MTDH: variants seen among roughly 807,000 people sequenced by gnomAD.
The protein encoded by MTDH is protein LYRIC.
Under a neutral mutation model 72.7 loss-of-function variants are expected in MTDH, and 34 were observed. That is an observed-to-expected ratio of 0.47 (90% CI 0.36 to 0.62). The LOEUF is 0.62. Ranked by LOEUF, MTDH falls within the 20% of genes least tolerant of loss-of-function variation. The pLI is 0.00. For missense variants in MTDH, 677 were observed against 699.4 expected (o/e 0.97, Z 0.36); for synonymous variants, 266 against 268.9 (o/e 0.99, Z 0.10).
At chr8:97,722,776 T>C in intron 10 of MTDH, 103 bp from the exon 11 acceptor site, 1 of 1,135,968 alleles carries the variant, frequency 8.8e-7, no homozygotes. Context: ...GAAACCATAT[T>C]AGTATTGAAT....
intron 2 of MTDH, among the ~76,000 whole-genome samples, chr8:97,685,459 G>A (rs1813322127): frequency 6.6e-6 from 1 of 152,250 alleles, no homozygotes; most frequent in South Asian, 2.1e-4. Context: ...GCAGTTTTCT[G>A]TCATTGCTTA....
chr8:97,662,418 A>T (rs1202495722), intron 2 of MTDH, among the ~76,000 whole-genome samples: 1 of 151,604 alleles, frequency 6.6e-6, no homozygotes, highest in Non-Finnish European at 1.5e-5. Flanking sequence ...ACAAAACAAG[A>T]CAGTCACTGA....
At chr8:97,695,273 C>T (rs995005513) in intron 6 of MTDH, among the ~76,000 whole-genome samples, 4 of 151,936 alleles carry the variant, frequency 2.6e-5, no homozygotes, top group Admixed American at 6.6e-5. Context: ...GTCACCATGC[C>T]CAGCTAATTT....
In MTDH at chr8:97,686,763, A is replaced by ACAG. The variant is rs2130999554; in HGVS notation, c.568+11_568+12insCAG. 1 of 1,582,794 alleles carries ACAG rather than the reference A, an allele frequency of 6.3e-7. No homozygotes were observed. Among genetic ancestry groups the ACAG allele is most frequent in the Non-Finnish European group, 8.6e-7 (1 of 1,163,642 alleles). ...AGGAAGTTGATGAAGGTACTTGAGC[A>ACAG]AGGGAAAGGACTGTAGAAAATTTTT... On this transcript the variant is annotated intron_variant, in intron 3 of 11. Transcript: ENST00000336273.
intron 2 of MTDH, among the ~76,000 whole-genome samples, chr8:97,663,703 C>T (rs910212280): frequency 2.1e-5 from 3 of 141,754 alleles, no homozygotes; most frequent in Admixed American, 7.5e-5. Context: ...AAGTGGAGAT[C>T]GCGCCACTGC....
In MTDH at chr8:97,644,277, C is replaced by T; in HGVS notation, c.-230C>T. ...CCGCCACTGGAGACACTCCCTCCCG[C>T]CTCCCGGGTCTCCTGGCGGCGGCGG... is the stretch of plus-strand genomic sequence containing the variant. On this transcript the variant is annotated 5_prime_UTR_variant, in exon 1 of 12. Transcript: ENST00000336273. 1 of 553,240 alleles carries T rather than the reference C, an allele frequency of 1.8e-6. No individual in the cohort carries two copies. Among genetic ancestry groups the T allele is most frequent in the African/African-American group, 2.0e-5 (1 of 49,620 alleles). 34.3% of individuals were successfully genotyped at this position (553,240 alleles called of 1,614,324 possible).
chr8:97,689,107 A>G lies in MTDH; in HGVS notation c.811+4A>G. 2 of 1,559,758 alleles carry G rather than the reference A, an allele frequency of 1.3e-6. No homozygotes were observed. The highest frequency in any genetic ancestry group is 1.8e-6 in the Non-Finnish European group (2 of 1,141,104). On this transcript the variant is annotated splice_donor_region_variant and intron_variant, in intron 5 of 11. Coordinates refer to ENST00000336273, the MANE Select transcript of MTDH (RefSeq NM_178812.4). ...AAAGGAGATTCTACACTTCAGGGTG[A>G]GAGAAATTACATGTAACTTAAATTG...
intron 2 of MTDH, among the ~76,000 whole-genome samples, chr8:97,677,249 G>A (rs554842151): frequency 7.2e-6 from 1 of 139,466 alleles, no homozygotes; most frequent in East Asian, 2.2e-4. Flanking sequence ...ATCCCAGCAC[G>A]TTGGGAGGCC....
intron 2 of MTDH, among the ~76,000 whole-genome samples, chr8:97,681,835 A>G (rs1813088573): frequency 6.6e-6 from 1 of 152,032 alleles, no homozygotes; most frequent in African/African-American, 2.4e-5. Flanking sequence ...TCATCCTCCT[A>G]TTAGATGATA....
At chr8:97,682,280 ATTTTTTTTTTTTTTTTTTTTTTT>A (rs1175139487) in intron 2 of MTDH, among the ~76,000 whole-genome samples, 1 of 3,630 alleles carries the variant, frequency 2.8e-4, no homozygotes, top group Non-Finnish European at 5.5e-4. Flanking sequence ...ATATATATAT[ATTTTTTTTTTTTTTTTTTTTTTT>A]TTTTTTTTTT....
intron 2 of MTDH, among the ~76,000 whole-genome samples, chr8:97,670,875 G>A (rs1812585005): frequency 6.6e-6 from 1 of 151,316 alleles, no homozygotes; most frequent in East Asian, 1.9e-4. Context: ...TCCTGCCTCA[G>A]CCCCCCGAGT....
At chr8:97,666,419 T>G (rs558037234) in intron 2 of MTDH, among the ~76,000 whole-genome samples, 12 of 152,204 alleles carry the variant, frequency 7.9e-5, no homozygotes, top group Non-Finnish European at 1.6e-4. Context: ...ATAAAGAGTT[T>G]TGTGAATTGT....
intron 2 of MTDH, among the ~76,000 whole-genome samples, chr8:97,670,578 C>T (rs554703472): frequency 6.6e-6 from 1 of 152,270 alleles, no homozygotes; most frequent in African/African-American, 2.4e-5. Context: ...GAGCTGAGAT[C>T]GTGCCACTGC....
At chr8:97,677,180 C>CAAAAAAAAAA (rs71271142) in intron 2 of MTDH, among the ~76,000 whole-genome samples, 1 of 44,104 alleles carries the variant, frequency 2.3e-5, no homozygotes, top group African/African-American at 1.1e-4. Flanking sequence ...AAGCCTGTCT[C>CAAAAAAAAAA]AAAAAAAAAA....
At chr8:97,696,986 C>T (rs1048320814) in intron 6 of MTDH, among the ~76,000 whole-genome samples, 5 of 150,588 alleles carry the variant, frequency 3.3e-5, no homozygotes, top group Admixed American at 6.6e-5. Flanking sequence ...TGGTATTTGC[C>T]TGTGGTCCCA....
At position 97,706,631 on chromosome 8, in the gene MTDH, C is replaced by T. The variant is rs140731404; in HGVS notation, c.1153C>T (p.Leu385=). The T allele has an allele frequency of 1.1e-4, 172 of 1,592,864 alleles. No homozygotes were observed. In the Middle Eastern group the frequency reaches 3.0e-3, roughly 28 times the overall value. ...IDDEWSGLNG[L]SSADPNSDWN... is the part of the protein sequence containing the mutation. ...TTCACACTGTTAAATTTTAGATGGT[C>T]TGTCTTCTGCTGATCCCAACTCTGA... Residue 385 remains leucine, a synonymous_variant, in exon 8 of 12, where the codon CTG becomes TTG. Transcript: ENST00000336273.
rs778090659 is a variant in MTDH, at chr8:97,691,156, G to A, written c.1016G>A (p.Ser339Asn). The stretch of plus-strand genomic sequence containing the variant: ...ACAAATGGAAAAGACTGGGGAAGGA[G>A]TTGGAGTGACCGTTCAATATTTTCT... ...ANTNGKDWGR[S>N]WSDRSIFSGI... is the part of the protein sequence containing the mutation. Residue 339 changes from serine (S) to asparagine (N), a missense_variant, in exon 6 of 12, where the codon AGT becomes AAT. This residue lies in a region of MTDH where 467 missense variants were observed against 469.1 expected (regional missense o/e 1.00). Coordinates refer to ENST00000336273, the MANE Select transcript of MTDH (RefSeq NM_178812.4). 4 of 1,612,200 alleles carry A rather than the reference G, an allele frequency of 2.5e-6. 1 individual carries two copies. In the South Asian group the frequency reaches 3.3e-5, roughly 13 times the overall value.
intron 11 of MTDH, among the ~76,000 whole-genome samples, chr8:97,723,584 A>T (rs1276070703): frequency 1.3e-5 from 2 of 150,096 alleles, no homozygotes; most frequent in Non-Finnish European, 3.0e-5. Flanking sequence ...TCTACTAAAA[A>T]TACAACAGAT....
At chr8:97,689,801 G>A (rs1260657739) in intron 5 of MTDH, among the ~76,000 whole-genome samples, 3 of 149,610 alleles carry the variant, frequency 2.0e-5, no homozygotes, top group Admixed American at 6.7e-5. Flanking sequence ...TCCACCTCCC[G>A]GGTGCAAGCA....
Sources: allele counts gnomAD v4.1 joint callset (sites outside exome capture counted in the v4.1 genomes callset), GRCh38; gene constraint gnomAD v4.1.1; regional missense constraint gnomAD v4.1.1; transcripts MANE v1.5; gene names NCBI Gene and HGNC (gene_info 2026-07-23, HGNC 2026-07-21).